SMCO2: variants seen among roughly 807,000 people sequenced by gnomAD.
SMCO2 encodes single-pass membrane protein with coiled-coil domains 2.
Under a neutral mutation model 29.5 loss-of-function variants are expected in SMCO2, and 25 were observed. The observed-to-expected ratio is 0.85, with a 90% CI of 0.62 to 1.18. The LOEUF is 1.18. Among genes scored for constraint, SMCO2 ranks in the 50% most tolerant of loss-of-function variants. SMCO2 has a pLI of 0.00. For missense variants in SMCO2, 348 were observed against 344.5 expected (o/e 1.01, Z -0.08); for synonymous variants, 117 against 123.3 (o/e 0.95, Z 0.34).
At chr12:27,446,011 C>T in the SMCO2 span, among the ~76,000 whole-genome samples, 1 of 151,940 alleles carries the variant, frequency 6.6e-6, no homozygotes, top group Non-Finnish European at 1.5e-5. Context: ...TCAAATGATT[C>T]TCCTGCCTCA....
chr12:27,426,486 C>T, the SMCO2 span, among the ~76,000 whole-genome samples: 8 of 152,200 alleles, frequency 5.3e-5, no homozygotes, highest in East Asian at 1.9e-4. Context: ...TTTCTTCATT[C>T]GTAAAGTAGA....
the SMCO2 span, among the ~76,000 whole-genome samples, chr12:27,425,566 C>G: frequency 3.3e-5 from 5 of 152,182 alleles, no homozygotes; most frequent in Non-Finnish European, 5.9e-5. Context: ...CATCCCTCAG[C>G]TTTGCTTTCC....
At position 27,502,114 on chromosome 12, in the gene SMCO2, C is replaced by T. The variant is rs201508863; in HGVS notation, c.875C>T (p.Pro292Leu). Residue 292 changes from proline to leucine, a missense_variant, in exon 8 of 8, where the codon CCC becomes CTC. By Grantham distance (98) the Pro-to-Leu change is moderately conservative (BLOSUM62 -3). Coordinates refer to ENST00000298876, the Ensembl canonical transcript of SMCO2. ...AATTTGGAAGTGGAAGCCTTGTTAC[C>T]CTCCTAAAGATACAGAAGTTACTGT... The T allele has an allele frequency of 7.6e-5, 117 of 1,532,136 alleles. 1 individual carries two copies. The Admixed American group carries it at 1.2e-3, about 16-fold the overall frequency. 94.9% of individuals were successfully genotyped at this position (1,532,136 alleles called of 1,614,324 possible).
the SMCO2 span, among the ~76,000 whole-genome samples, chr12:27,457,344 A>T: frequency 6.6e-6 from 1 of 152,162 alleles, no homozygotes; most frequent in Non-Finnish European, 1.5e-5. Flanking sequence ...TTCATTTCTC[A>T]TTGGGGCCCC....
the SMCO2 span, among the ~76,000 whole-genome samples, chr12:27,450,201 T>C: frequency 2.0e-5 from 3 of 152,118 alleles, no homozygotes; most frequent in African/African-American, 7.2e-5. Flanking sequence ...CAAAACATAT[T>C]CTCCTCAAGG....
Position 27,472,769 on chromosome 12 carries a change from C to T in SMCO2, c.135-7C>T, listed in dbSNP as rs1348907534. 9 of 1,549,180 alleles carry T rather than the reference C, an allele frequency of 5.8e-6. No homozygotes were observed. The East Asian group carries it at 2.2e-4, about 38-fold the overall frequency. ...AACAGCCTCTGTTTGGATTGTGTGG[C>T]TTGCAGTTTGCTAAAGGAAATTATC... On this transcript the variant is annotated splice_polypyrimidine_tract_variant and splice_region_variant and intron_variant, in intron 2 of 7. Coordinates refer to ENST00000298876, the Ensembl canonical transcript of SMCO2.
chr12:27,445,044 A>G, the SMCO2 span, among the ~76,000 whole-genome samples: 2 of 152,180 alleles, frequency 1.3e-5, no homozygotes, highest in African/African-American at 4.8e-5. Flanking sequence ...TTGCAGCAAC[A>G]TGGATAGAAA....
the SMCO2 span, among the ~76,000 whole-genome samples, chr12:27,442,276 T>A: frequency 6.6e-6 from 1 of 151,762 alleles, no homozygotes; most frequent in Non-Finnish European, 1.5e-5. Context: ...TTTGAAAAGA[T>A]AAAATCAACA....
the SMCO2 span, among the ~76,000 whole-genome samples, chr12:27,456,710 C>T: frequency 2.0e-5 from 3 of 152,210 alleles, no homozygotes; most frequent in East Asian, 1.9e-4. Context: ...CAAACTTTTA[C>T]GTGAAACTCC....
chr12:27,445,016 A>G, the SMCO2 span, among the ~76,000 whole-genome samples: 1 of 152,238 alleles, frequency 6.6e-6, no homozygotes, highest in African/African-American at 2.4e-5. Flanking sequence ...CTATAAAAAA[A>G]GAATGAAATC....
At chr12:27,487,755 T>TTC (rs1258505640) in intron 4 of SMCO2, among the ~76,000 whole-genome samples, 78 of 123,490 alleles carry the variant, frequency 6.3e-4, no homozygotes, top group African/African-American at 2.7e-3. Flanking sequence ...TTTTCTTTCT[T>TTC]TTTTTTTTTT....
Position 27,488,895 on chromosome 12 carries a change from G to C in SMCO2, c.450+348G>C, listed in dbSNP as rs550476909. 9.2e-5 allele frequency among the ~76,000 whole-genome samples: 14 copies of C among 152,268 alleles called. No individual in the cohort carries two copies. In the South Asian group the frequency reaches 2.3e-3, roughly 25 times the overall value. On this transcript the variant is annotated intron_variant, in intron 5 of 7. Coordinates refer to ENST00000298876, the Ensembl canonical transcript of SMCO2. ...AGGAAATAAATATTGGTCAAAAACT[G>C]CATCCTTAGAGTGCAAGGGATCTAC...
chr12:27,487,143 T>A (rs1949695250), intron 4 of SMCO2, among the ~76,000 whole-genome samples: 1 of 152,218 alleles, frequency 6.6e-6, no homozygotes, highest in Non-Finnish European at 1.5e-5. Flanking sequence ...TATGAGATGT[T>A]TAGCCTTGCA....
At chr12:27,493,971 T>G (rs560512529) in intron 5 of SMCO2, 127 of 164,650 alleles carry the variant, frequency 7.7e-4, no homozygotes, top group African/African-American at 2.8e-3. Flanking sequence ...TAACTATGTT[T>G]CTTCAACTTG....
upstream of SMCO2, among the ~76,000 whole-genome samples, chr12:27,465,266 T>C (rs1949490180): frequency 6.6e-6 from 1 of 152,182 alleles, no homozygotes; most frequent in Admixed American, 6.5e-5. Context: ...CTTGGGAGAC[T>C]GCCTAGCGCA....
At chr12:27,501,967 T>C (rs1013608469) in exon 8 of SMCO2, 2 of 1,546,834 alleles carry the variant, frequency 1.3e-6, no homozygotes, top group South Asian at 1.2e-5. Flanking sequence ...GTCCTCACCG[T>C]CACTGGACTT....
At chr12:27,491,252 C>CATTATTTTTTAAAAAAGCAAAACA (rs1949732757) in intron 5 of SMCO2, among the ~76,000 whole-genome samples, 1 of 151,968 alleles carries the variant, frequency 6.6e-6, no homozygotes, top group Admixed American at 6.5e-5. Context: ...AAAACAGAAA[C>CATTATTTTTTAAAAAAGCAAAACA]GAAAGTATGT....
Position 27,480,675 on chromosome 12 carries a change from G to A in SMCO2, c.362+5762G>A, listed in dbSNP as rs533343673. The stretch of plus-strand genomic sequence containing the variant: ...CTTGATCCGAGTTGACATGAGATCT[G>A]GTTGTTTAAAAGAATGTGGCACCTC... On this transcript the variant is annotated intron_variant, in intron 4 of 7. Transcript: ENST00000298876. Among the ~76,000 whole-genome samples, 6 of 151,990 alleles carry A rather than the reference G, an allele frequency of 3.9e-5. No homozygotes were observed. In the South Asian group the frequency reaches 1.2e-3, roughly 32 times the overall value.
At chr12:27,432,532 GA>G in the SMCO2 span, among the ~76,000 whole-genome samples, 7 of 152,238 alleles carry the variant, frequency 4.6e-5, no homozygotes, top group Middle Eastern at 3.4e-3. Flanking sequence ...ATGGGAGACA[GA>G]AAAAAAGAAC....
Sources: gnomAD v4.1 joint callset for allele counts (sites outside exome capture counted in the v4.1 genomes callset) on GRCh38, gnomAD v4.1.1 for gene constraint, MANE v1.5 for transcripts, NCBI Gene and HGNC (gene_info 2026-07-23, HGNC 2026-07-21) for gene names.